Variants in CTNND2 observed in about 807,000 individuals in gnomAD.
The protein encoded by CTNND2 is catenin delta-2.
In CTNND2, 22 loss-of-function variants were observed where a neutral mutation model predicts 144.4. The observed-to-expected ratio is 0.15, with a 90% CI of 0.11 to 0.22. The LOEUF (loss-of-function observed/expected upper bound fraction) is 0.22. CTNND2 is among the 10% of genes least tolerant of loss of function. The pLI, the probability that CTNND2 is intolerant of heterozygous loss-of-function variation, is 1.00. For synonymous variants in CTNND2, 751 were observed against 695.6 expected (o/e 1.08, Z -1.25); for missense variants, 1,353 against 1,618.8 (o/e 0.84, Z 2.82).
intron 9 of CTNND2, among the ~76,000 whole-genome samples, chr5:11,266,954 C>T (rs888529344): frequency 6.6e-5 from 10 of 152,244 alleles, no homozygotes; most frequent in African/African-American, 2.4e-4. Context: ...TCTCAGCTCA[C>T]TGCAACCTCC....
rs1794541732 is a variant in CTNND2 at position 11,842,831 on chromosome 5, C to A, written c.37+60986G>T. 2.0e-5 allele frequency among the ~76,000 whole-genome samples: 3 copies of A among 151,966 alleles called. No homozygotes were observed. The South Asian group carries it at 6.2e-4, about 32-fold the overall frequency. ...AACACATTATTAAATTTAATTTCACCTGTTTCTATTTGCATTTTTTCATGT... is the reference window on the plus strand; with the variant it reads ...AACACATTATTAAATTTAATTTCACATGTTTCTATTTGCATTTTTTCATGT... On this transcript the variant is annotated intron_variant, in intron 1 of 21. Transcript: ENST00000304623.
At chr5:11,544,625 T>A (rs186000002) in intron 3 of CTNND2, among the ~76,000 whole-genome samples, 2 of 152,360 alleles carry the variant, frequency 1.3e-5, no homozygotes, top group African/African-American at 4.8e-5. Flanking sequence ...ACTATTGATA[T>A]GTGCAATTAC....
At chr5:11,847,302 C>A (rs528866038) in intron 1 of CTNND2, among the ~76,000 whole-genome samples, 1 of 151,160 alleles carries the variant, frequency 6.6e-6, no homozygotes, top group South Asian at 2.1e-4. Flanking sequence ...GAATACTATT[C>A]GGCCATAAAA....
intron 3 of CTNND2, among the ~76,000 whole-genome samples, chr5:11,422,957 A>G (rs940151663): frequency 6.6e-6 from 1 of 152,232 alleles, no homozygotes; most frequent in East Asian, 1.9e-4. Flanking sequence ...CTTCTCATGC[A>G]TGGGGCTAGG....
intron 9 of CTNND2, among the ~76,000 whole-genome samples, chr5:11,299,618 T>C (rs886862263): frequency 6.6e-6 from 1 of 152,158 alleles, no homozygotes; most frequent in African/African-American, 2.4e-5. Flanking sequence ...ACTAGCAGGA[T>C]CTGTGGGTCG....
chr5:11,159,851 A>G, intron 11 of CTNND2, 92 bp from the exon 12 acceptor site: 4 of 1,029,360 alleles, frequency 3.9e-6, no homozygotes, highest in Non-Finnish European at 5.7e-6. Flanking sequence ...CGGAACTGGC[A>G]GGAAGGATGA....
At chr5:11,144,785 T>G (rs1561378567) in intron 12 of CTNND2, among the ~76,000 whole-genome samples, 3 of 152,314 alleles carry the variant, frequency 2.0e-5, no homozygotes, top group Admixed American at 2.0e-4. Context: ...GTGAGGTTCC[T>G]AGCTCCTGTT....
At chr5:11,460,395 C>G (rs897466698) in intron 3 of CTNND2, among the ~76,000 whole-genome samples, 1 of 152,210 alleles carries the variant, frequency 6.6e-6, no homozygotes, top group Non-Finnish European at 1.5e-5. Context: ...CAGCCAATTT[C>G]CAAATTTGAT....
At chr5:11,011,948 G>A (rs1474659887) in intron 18 of CTNND2, among the ~76,000 whole-genome samples, 6 of 152,214 alleles carry the variant, frequency 3.9e-5, no homozygotes, top group Non-Finnish European at 8.8e-5. Flanking sequence ...ACCAGGGGGA[G>A]AGGAGCTGTA....
At chr5:11,699,926 G>T (rs1785347741) in intron 2 of CTNND2, among the ~76,000 whole-genome samples, 1 of 152,172 alleles carries the variant, frequency 6.6e-6, no homozygotes, top group African/African-American at 2.4e-5. Flanking sequence ...TCATTCTTTT[G>T]TAGTAGAGGG....
intron 3 of CTNND2, among the ~76,000 whole-genome samples, chr5:11,470,981 T>TATATATATATATATATATATATATA (rs58435800): frequency 3.1e-5 from 2 of 64,050 alleles, no homozygotes; most frequent in African/African-American, 8.4e-5. Context: ...TATATATATA[T>TATATATATATATATATATATATATA]TTTTTTTTTT....
chr5:11,614,533 GT>G (rs1403900366), intron 2 of CTNND2, among the ~76,000 whole-genome samples: 4 of 152,186 alleles, frequency 2.6e-5, no homozygotes, highest in African/African-American at 9.6e-5. Context: ...ACTCTTGGGC[GT>G]TTAACAAAGA....
At chr5:11,485,034 C>CA (rs199694031) in intron 3 of CTNND2, among the ~76,000 whole-genome samples, 16 of 150,276 alleles carry the variant, frequency 1.1e-4, no homozygotes, top group Middle Eastern at 3.4e-3. Flanking sequence ...AACAAATTTT[C>CA]AAAAAAAAAT....
chr5:11,836,955 G>T (rs1794217006), intron 1 of CTNND2, among the ~76,000 whole-genome samples: 1 of 152,142 alleles, frequency 6.6e-6, no homozygotes, highest in Admixed American at 6.5e-5. Flanking sequence ...TGGGAAAGGT[G>T]GTCAGCAGCA....
At chr5:11,630,126 G>A (rs1052506049) in intron 2 of CTNND2, among the ~76,000 whole-genome samples, 3 of 152,006 alleles carry the variant, frequency 2.0e-5, no homozygotes, top group Admixed American at 1.3e-4. Flanking sequence ...TCAACATTGT[G>A]CTTCTTAGTC....
intron 16 of CTNND2, among the ~76,000 whole-genome samples, chr5:11,070,420 G>GTTT (rs1748130404): frequency 6.6e-6 from 1 of 152,058 alleles, no homozygotes; most frequent in African/African-American, 2.4e-5. Flanking sequence ...CAAAACTAAA[G>GTTT]CACAAAGTGA....
At chr5:11,460,554 A>T (rs555445776) in intron 3 of CTNND2, among the ~76,000 whole-genome samples, 3 of 151,978 alleles carry the variant, frequency 2.0e-5, no homozygotes, top group Middle Eastern at 3.4e-3. Context: ...CTCTACCCCC[A>T]TTGGGGGCCC....
At position 11,294,600 on chromosome 5, in the gene CTNND2, T is replaced by C. The variant is rs370154983; in HGVS notation, c.1628+51772A>G. Reference sequence around the variant, plus strand: ...CAGTTTCAATAAAATACTGGCAAACTGAATCCAGCAGCACATCAAAAAGCT... The same window carrying C: ...CAGTTTCAATAAAATACTGGCAAACCGAATCCAGCAGCACATCAAAAAGCT... On this transcript the variant is annotated intron_variant, in intron 9 of 21. Transcript: ENST00000304623. Among the ~76,000 whole-genome samples the C allele has an allele frequency of 8.5e-5, 13 of 152,256 alleles. No individual in the cohort carries two copies. In the South Asian group the frequency reaches 2.7e-3, roughly 32 times the overall value.
At chr5:11,486,729 A>T (rs551008371) in intron 3 of CTNND2, among the ~76,000 whole-genome samples, 1 of 152,304 alleles carries the variant, frequency 6.6e-6, no homozygotes, top group East Asian at 1.9e-4. Context: ...AGCTATAATG[A>T]ACCTAAATAG....
Sources: gnomAD v4.1 joint callset for allele counts (sites outside exome capture counted in the v4.1 genomes callset) on GRCh38, gnomAD v4.1.1 for gene constraint, MANE v1.5 for transcripts, NCBI Gene and HGNC (gene_info 2026-07-23, HGNC 2026-07-21) for gene names.